Variants in RBFOX3 observed in about 807,000 individuals in gnomAD.
RBFOX3 encodes the protein RNA binding fox-1 homolog 3, also known as RNA binding protein fox-1 homolog 3.
Under a neutral mutation model 48.7 loss-of-function variants are expected in RBFOX3, and 17 were observed. The observed-to-expected ratio is 0.35, with a 90% CI of 0.24 to 0.52. RBFOX3 has a LOEUF of 0.52. Ranked by LOEUF, RBFOX3 falls within the 20% of genes least tolerant of loss-of-function variation. The pLI is 0.94. For missense variants in RBFOX3, 382 were observed against 497.5 expected, an observed-to-expected ratio of 0.77 and a Z score of 2.21; for synonymous variants, 212 against 209.5, an observed-to-expected ratio of 1.01 and a Z score of -0.10.
intron 2 of RBFOX3, among the ~76,000 whole-genome samples, chr17:79,368,689 C>T (rs1315705378): frequency 1.3e-5 from 2 of 152,176 alleles, no homozygotes; most frequent in Admixed American, 1.3e-4. Context: ...CCTCGCACAC[C>T]AGCCCGATGC....
intron 1 of RBFOX3, among the ~76,000 whole-genome samples, chr17:79,489,232 C>T (rs1163356898): frequency 1.0e-5 from 1 of 98,974 alleles, no homozygotes; most frequent in African/African-American, 4.0e-5. Flanking sequence ...CTAGTCCTGC[C>T]AGAAAGTTAA....
intron 1 of RBFOX3, among the ~76,000 whole-genome samples, chr17:79,582,706 C>T (rs1207334320): frequency 6.9e-6 from 1 of 145,878 alleles, no homozygotes; most frequent in Non-Finnish European, 1.5e-5. Flanking sequence ...CTACTGAAGC[C>T]CGGGATGTTG....
At chr17:79,366,282 G>A (rs2057736962) in intron 2 of RBFOX3, among the ~76,000 whole-genome samples, 1 of 152,230 alleles carries the variant, frequency 6.6e-6, no homozygotes, top group African/African-American at 2.4e-5. Flanking sequence ...TGGTAAAGGG[G>A]CTGCTTTCTG....
At chr17:79,656,506 C>A in the RBFOX3 span, among the ~76,000 whole-genome samples, 1 of 151,606 alleles carries the variant, frequency 6.6e-6, no homozygotes. Flanking sequence ...CGCAGCTATT[C>A]GGGAGGCTGA....
chr17:79,660,699 T>A, the RBFOX3 span, among the ~76,000 whole-genome samples: 11 of 152,066 alleles, frequency 7.2e-5, no homozygotes, highest in African/African-American at 2.7e-4. Flanking sequence ...TTGGTGAGAG[T>A]GTAAATAAGA....
At chr17:79,412,833 G>A (rs1598584217) in intron 2 of RBFOX3, among the ~76,000 whole-genome samples, 2 of 151,736 alleles carry the variant, frequency 1.3e-5, no homozygotes, top group African/African-American at 4.9e-5. Flanking sequence ...GTATATATGT[G>A]AGGGCATGGT....
At chr17:79,413,104 G>C (rs12939183) in intron 2 of RBFOX3, among the ~76,000 whole-genome samples, 5,753 of 152,212 alleles carry the variant, frequency 0.038, 155 homozygotes, top group South Asian at 0.072. Context: ...AGGGGGAAAG[G>C]GGGAACTGCC....
chr17:79,656,927 G>T, the RBFOX3 span, among the ~76,000 whole-genome samples: 3 of 111,196 alleles, frequency 2.7e-5, no homozygotes, highest in African/African-American at 1.3e-4. Flanking sequence ...GAAAAGAAAA[G>T]AGAAATTTAT....
Position 79,409,741 on chromosome 17 carries a change from C to T in RBFOX3, c.-175+72713G>A, listed in dbSNP as rs565626651. 1.4e-4 allele frequency among the ~76,000 whole-genome samples: 22 copies of T among 152,286 alleles called. 1 individual carries two copies. Among genetic ancestry groups the T allele is most frequent in the African/African-American group, 1.7e-4 (7 of 41,576 alleles). Reference sequence around the variant, plus strand: ...CTGGGGTCCCCGTATTCCCACAGAGCGGGCAGGCAGGTCCCTGGAGACCAG... The same window carrying T: ...CTGGGGTCCCCGTATTCCCACAGAGTGGGCAGGCAGGTCCCTGGAGACCAG... On this transcript the variant is annotated intron_variant, in intron 2 of 14. Coordinates refer to ENST00000693108, the MANE Select transcript of RBFOX3 (RefSeq NM_001350451.2).
At position 79,475,851 on chromosome 17, in the gene RBFOX3, C is replaced by T. The variant is rs765047163; in HGVS notation, c.-175+6603G>A. Among the ~76,000 whole-genome samples, 7 of 152,342 alleles carry T rather than the reference C, an allele frequency of 4.6e-5. No individual in the cohort carries two copies. In the South Asian group the frequency reaches 8.3e-4, roughly 18 times the overall value. ...CCCCCAGAGCCAGGAGAAAGGCCTCCGTGTGTGGGACAGTTTCTCCCTGAG... is the reference window on the plus strand; with the variant it reads ...CCCCCAGAGCCAGGAGAAAGGCCTCTGTGTGTGGGACAGTTTCTCCCTGAG... On this transcript the variant is annotated intron_variant, in intron 2 of 14. Transcript: ENST00000693108.
Position 79,170,930 on chromosome 17 carries a change from G to A in RBFOX3, c.-33-55182C>T, listed in dbSNP as rs114131520. ...TCTTTCCACGTAAACTGCTGCCTCC[G>A]TGTGGATGGTCCTGTTCACAGATCC... On this transcript the variant is annotated intron_variant, in intron 4 of 14. Coordinates refer to ENST00000693108, the MANE Select transcript of RBFOX3 (RefSeq NM_001350451.2). 9.4e-3 allele frequency among the ~76,000 whole-genome samples: 1,430 copies of A among 152,206 alleles called. 23 individuals carry two copies. Among genetic ancestry groups the A allele is most frequent in the African/African-American group, 0.033 (1,369 of 41,504 alleles).
At chr17:79,134,661 G>A (rs1035590567) in intron 4 of RBFOX3, among the ~76,000 whole-genome samples, 1 of 152,352 alleles carries the variant, frequency 6.6e-6, no homozygotes, top group African/African-American at 2.4e-5. Context: ...CTGTCCCAGG[G>A]AGGGGGTCCT....
chr17:79,206,118 T>C (rs2057447093), intron 4 of RBFOX3, among the ~76,000 whole-genome samples: 1 of 152,208 alleles, frequency 6.6e-6, no homozygotes, highest in Non-Finnish European at 1.5e-5. Flanking sequence ...CAAGAAGGTC[T>C]ACAGCTTGCC....
rs1598874851 is a variant in RBFOX3, at chr17:79,479,024, C to T, written c.-175+3430G>A. On this transcript the variant is annotated intron_variant, in intron 2 of 14. Coordinates refer to ENST00000693108, the MANE Select transcript of RBFOX3 (RefSeq NM_001350451.2). This position sits in a 1 kb window ranked among gnomAD's most constrained non-coding sequence, Gnocchi z 5.1. ...ACTCGCCTGCAGTGATGGGGAGTCT[C>T]GGTCGAAGGGCTCCTTGCCAAGGCC... Among the ~76,000 whole-genome samples the T allele has an allele frequency of 6.6e-6, 1 of 152,192 alleles. No homozygotes were observed. The highest frequency in any genetic ancestry group is 1.5e-5 in the Non-Finnish European group (1 of 68,030).
chr17:79,132,243 G>T (rs1166649328), intron 4 of RBFOX3, among the ~76,000 whole-genome samples: 1 of 108,124 alleles, frequency 9.2e-6, no homozygotes, highest in Non-Finnish European at 1.8e-5. Context: ...CCCAGGAGGG[G>T]TCTCTGCAGC....
intron 4 of RBFOX3, among the ~76,000 whole-genome samples, chr17:79,156,113 G>C (rs1036398326): frequency 6.6e-6 from 1 of 152,226 alleles, no homozygotes; most frequent in African/African-American, 2.4e-5. Flanking sequence ...ACACTTGGGG[G>C]TGACGGGGAA....
chr17:79,539,854 G>A (rs942571675), intron 1 of RBFOX3, among the ~76,000 whole-genome samples: 2 of 152,174 alleles, frequency 1.3e-5, no homozygotes, highest in Non-Finnish European at 2.9e-5. Context: ...CATGGCGCAT[G>A]GTTAACTTTG....
chr17:79,381,179 G>T (rs1443528627), intron 2 of RBFOX3, among the ~76,000 whole-genome samples: 1 of 151,898 alleles, frequency 6.6e-6, no homozygotes, highest in East Asian at 1.9e-4. Context: ...AGAATCGCTT[G>T]AAGCTGGGAG....
intron 3 of RBFOX3, among the ~76,000 whole-genome samples, chr17:79,263,938 G>A (rs72846866): frequency 0.18 from 27,406 of 151,980 alleles, 2,964 homozygotes; most frequent in Middle Eastern, 0.35. Flanking sequence ...GCCTTTATAA[G>A]AGAAAGGAGG....
Sources: allele counts gnomAD v4.1 joint callset (sites outside exome capture counted in the v4.1 genomes callset), GRCh38; gene constraint gnomAD v4.1.1; non-coding constraint Gnocchi (gnomAD v3.1); transcripts MANE v1.5; gene names NCBI Gene and HGNC (gene_info 2026-07-23, HGNC 2026-07-21).